CTNNA3: variants seen among roughly 807,000 people sequenced by gnomAD.
CTNNA3 encodes the protein catenin alpha 3, also known as catenin alpha-3.
Under a neutral mutation model 95.7 loss-of-function variants are expected in CTNNA3, and 76 were observed. The observed-to-expected ratio is 0.79, with a 90% CI of 0.66 to 0.96. The LOEUF (loss-of-function observed/expected upper bound fraction) is 0.96, where lower values mean the gene tolerates loss of function less well. CTNNA3 is among the 40% of genes least tolerant of loss of function. CTNNA3 has a pLI of 0.00. For missense variants in CTNNA3, 1,191 were observed against 1,089.8 expected (o/e 1.09, Z -1.31); for synonymous variants, 431 against 374.4 (o/e 1.15, Z -1.74).
At chr10:67,172,847 C>A (rs1375190518) in intron 7 of CTNNA3, among the ~76,000 whole-genome samples, 1 of 151,886 alleles carries the variant, frequency 6.6e-6, no homozygotes, top group African/African-American at 2.4e-5. Context: ...TGGTGGTGTA[C>A]ACATGTAATC....
intron 6 of CTNNA3, among the ~76,000 whole-genome samples, chr10:67,183,443 A>G (rs1457716315): frequency 1.3e-5 from 2 of 152,136 alleles, no homozygotes; most frequent in African/African-American, 2.4e-5. Flanking sequence ...GCAAGGACAA[A>G]AAACCAAACA....
intron 12 of CTNNA3, among the ~76,000 whole-genome samples, chr10:66,342,307 T>A (rs10997069): frequency 0.015 from 2,299 of 152,084 alleles, 53 homozygotes; most frequent in African/African-American, 0.053. Flanking sequence ...CTGGCACATA[T>A]CAGGAACTTC....
chr10:66,895,081 C>T (rs1845427982), intron 7 of CTNNA3, among the ~76,000 whole-genome samples: 1 of 139,138 alleles, frequency 7.2e-6, no homozygotes, highest in East Asian at 2.0e-4. Context: ...AAGAAAGTGT[C>T]CTACTTGGAA....
At chr10:67,052,195 C>A (rs1392879846) in intron 7 of CTNNA3, among the ~76,000 whole-genome samples, 1 of 152,094 alleles carries the variant, frequency 6.6e-6, no homozygotes, top group Admixed American at 6.5e-5. Context: ...GTGGTACCAG[C>A]CAAAAAGTCA....
chr10:67,621,561 A>C (rs946672354), intron 2 of CTNNA3, among the ~76,000 whole-genome samples: 3 of 152,108 alleles, frequency 2.0e-5, no homozygotes, highest in African/African-American at 7.2e-5. Context: ...CTGCCTGATC[A>C]ACATGGTGAA....
chr10:67,378,662 T>G (rs1843791856), intron 5 of CTNNA3, among the ~76,000 whole-genome samples: 1 of 152,236 alleles, frequency 6.6e-6, no homozygotes, highest in South Asian at 2.1e-4. Context: ...AGTTTTTAAC[T>G]GTCTGTTCCT....
At chr10:67,670,495 A>G (rs1373109537) in intron 1 of CTNNA3, among the ~76,000 whole-genome samples, 1 of 152,256 alleles carries the variant, frequency 6.6e-6, no homozygotes, top group African/African-American at 2.4e-5. Flanking sequence ...ATTGTATTCA[A>G]AAGAATGAAG....
intron 7 of CTNNA3, among the ~76,000 whole-genome samples, chr10:66,957,434 A>G (rs1848874519): frequency 9.1e-6 from 1 of 110,002 alleles, no homozygotes; most frequent in Non-Finnish European, 1.9e-5. Context: ...ATATGCATAT[A>G]TATATATGCA....
chr10:66,961,084 T>G (rs1849085990), intron 7 of CTNNA3, among the ~76,000 whole-genome samples: 1 of 152,230 alleles, frequency 6.6e-6, no homozygotes, highest in South Asian at 2.1e-4. Context: ...GATATGCTAA[T>G]TCATAAAATG....
At chr10:66,360,377 A>C (rs2132421182) in intron 12 of CTNNA3, among the ~76,000 whole-genome samples, 1 of 152,272 alleles carries the variant, frequency 6.6e-6, no homozygotes, top group East Asian at 1.9e-4. Flanking sequence ...GCAATGGCTT[A>C]AAGTGAAGTC....
intron 7 of CTNNA3, among the ~76,000 whole-genome samples, chr10:67,004,193 T>A (rs1851843298): frequency 1.3e-5 from 2 of 152,110 alleles, no homozygotes. Flanking sequence ...GGTCATTGAA[T>A]TGAGAAGAAG....
chr10:67,034,773 A>G (rs1853940407), intron 7 of CTNNA3, among the ~76,000 whole-genome samples: 1 of 152,182 alleles, frequency 6.6e-6, no homozygotes. Flanking sequence ...GTAATATTAA[A>G]TACTGTTTAC....
At chr10:66,532,475 A>G (rs917974518) in intron 10 of CTNNA3, among the ~76,000 whole-genome samples, 4 of 152,096 alleles carry the variant, frequency 2.6e-5, no homozygotes, top group East Asian at 1.9e-4. Context: ...AAGAAAAAAA[A>G]AAAAAAGGCA....
intron 3 of CTNNA3, among the ~76,000 whole-genome samples, chr10:67,579,016 TATATATATATATATATAC>T (rs61643047): frequency 0.038 from 4,514 of 119,518 alleles, 142 homozygotes; most frequent in East Asian, 0.35. Context: ...TATATATATA[TATATATATATATATATAC>T]ACACACACAC....
At chr10:66,103,129 G>C (rs373519359) in intron 14 of CTNNA3, 28 bp downstream of exon 14, 23 of 1,573,508 alleles carry the variant, frequency 1.5e-5, no homozygotes, top group Middle Eastern at 1.7e-4. Flanking sequence ...CACAGTACAT[G>C]GTTCTCCCAC....
At chr10:66,779,778 A>C (rs1840457426) in intron 7 of CTNNA3, among the ~76,000 whole-genome samples, 1 of 152,218 alleles carries the variant, frequency 6.6e-6, no homozygotes, top group Non-Finnish European at 1.5e-5. Flanking sequence ...TAGTTCTTAT[A>C]CTTCTTTTAT....
At chr10:67,522,703 T>C (rs1840023630) in intron 4 of CTNNA3, among the ~76,000 whole-genome samples, 1 of 150,968 alleles carries the variant, frequency 6.6e-6, no homozygotes, top group Admixed American at 6.7e-5. Flanking sequence ...AGGTGAAAAA[T>C]TGCAACGAAC....
At chr10:66,050,858 CT>C (rs11345645) in intron 15 of CTNNA3, among the ~76,000 whole-genome samples, 32,490 of 147,922 alleles carry the variant, frequency 0.22, 3,543 homozygotes, top group Admixed American at 0.26. Flanking sequence ...CCATTTCTTA[CT>C]TTTTTTTTTT....
chr10:66,632,185 A>C (rs2132347425), intron 9 of CTNNA3, among the ~76,000 whole-genome samples: 1 of 152,238 alleles, frequency 6.6e-6, no homozygotes, highest in South Asian at 2.1e-4. Flanking sequence ...AAATTTATAG[A>C]GCTATACTGA....
Sources: gnomAD v4.1 joint callset for allele counts (sites outside exome capture counted in the v4.1 genomes callset) on GRCh38, gnomAD v4.1.1 for gene constraint, MANE v1.5 for transcripts, NCBI Gene and HGNC (gene_info 2026-07-23, HGNC 2026-07-21) for gene names.